The following RBFOX3 variants were observed in gnomAD, a reference collection of about 807,000 sequenced individuals.
RBFOX3 encodes the protein RNA binding protein fox-1 homolog 3.
Under a neutral mutation model 48.7 loss-of-function variants are expected in RBFOX3, and 17 were observed. The ratio of observed to expected loss-of-function variants is 0.35; its 90% CI spans 0.24 to 0.52. RBFOX3 has a LOEUF of 0.52. Ranked by LOEUF, RBFOX3 falls within the 20% of genes least tolerant of loss-of-function variation. The pLI is 0.94. For synonymous variants in RBFOX3, 212 were observed against 209.5 expected, an observed-to-expected ratio of 1.01 and a Z score of -0.10; for missense variants, 382 against 497.5, an observed-to-expected ratio of 0.77 and a Z score of 2.21.
chr17:79,547,954 G>A (rs1192324400), intron 1 of RBFOX3, among the ~76,000 whole-genome samples: 1 of 152,226 alleles, frequency 6.6e-6, no homozygotes, highest in Non-Finnish European at 1.5e-5. Context: ...CCTGCCGAGG[G>A]CTGGCCATCC....
chr17:79,516,518 TAGAA>T (rs1177893481), intron 1 of RBFOX3, among the ~76,000 whole-genome samples: 1 of 152,232 alleles, frequency 6.6e-6, no homozygotes, highest in African/African-American at 2.4e-5. Flanking sequence ...CTCCAGGCCT[TAGAA>T]AGAGCCAGAG....
At chr17:79,415,092 G>A (rs1435742329) in intron 2 of RBFOX3, among the ~76,000 whole-genome samples, 8 of 152,220 alleles carry the variant, frequency 5.3e-5, no homozygotes, top group South Asian at 2.1e-4. Context: ...ATTTCATCAC[G>A]GGGTTCTGAG....
Position 79,220,251 on chromosome 17 carries a change from A to G in RBFOX3, c.-34+15515T>C, listed in dbSNP as rs1015508968. Among the ~76,000 whole-genome samples, 3 of 152,128 alleles carry G rather than the reference A, an allele frequency of 2.0e-5. No individual in the cohort carries two copies. Among genetic ancestry groups the G allele is most frequent in the African/African-American group, 7.2e-5 (3 of 41,416 alleles). On this transcript the variant is annotated intron_variant, in intron 4 of 14. Coordinates refer to ENST00000693108, the MANE Select transcript of RBFOX3 (RefSeq NM_001350451.2). The surrounding 1 kb of genome is among the most constrained non-coding windows in gnomAD (Gnocchi z 5.9). ...CCCGGGGAGGAGGGGAGGAGACCCA[A>G]TCAGGGAAGCGGCCGCTGGCGGCAG... is the stretch of plus-strand genomic sequence containing the variant.
intron 4 of RBFOX3, among the ~76,000 whole-genome samples, chr17:79,139,836 G>A (rs553276335): frequency 3.3e-5 from 5 of 152,222 alleles, no homozygotes; most frequent in Admixed American, 6.5e-5. Flanking sequence ...CAGAACCACC[G>A]TGTGTGCCCG....
intron 2 of RBFOX3, among the ~76,000 whole-genome samples, chr17:79,404,778 T>C (rs1346030340): frequency 6.6e-6 from 1 of 152,226 alleles, no homozygotes; most frequent in Admixed American, 6.5e-5. Context: ...GCCTGGGCCA[T>C]TCACCTGTCC....
chr17:79,112,925 A>AG (rs2032511142), intron 5 of RBFOX3, among the ~76,000 whole-genome samples: 1 of 90,248 alleles, frequency 1.1e-5, no homozygotes, highest in Admixed American at 1.0e-4. Context: ...TGGGCTGGGT[A>AG]GGACTTCAGG....
intron 4 of RBFOX3, among the ~76,000 whole-genome samples, chr17:79,191,571 C>G (rs539529377): frequency 6.6e-6 from 1 of 152,276 alleles, no homozygotes; most frequent in South Asian, 2.1e-4. Flanking sequence ...CTGGGGAGGC[C>G]GATGCACTGC....
At chr17:79,121,038 A>C (rs891485701) in intron 4 of RBFOX3, among the ~76,000 whole-genome samples, 1 of 151,860 alleles carries the variant, frequency 6.6e-6, no homozygotes. Flanking sequence ...TTCCTCCTCA[A>C]CCTTCCAAAT....
rs962878227 is a variant in RBFOX3 at position 79,199,196 on chromosome 17, C to A, written c.-34+36570G>T. On this transcript the variant is annotated intron_variant, in intron 4 of 14. Transcript: ENST00000693108. This position sits in a 1 kb window ranked among gnomAD's most constrained non-coding sequence, Gnocchi z 5.1. ...ATGGGAAGGCAGACTCTGGCTGGCTCACTCTGCCTTCTGAGAATGTAAAGG... is the reference window on the plus strand; with the variant it reads ...ATGGGAAGGCAGACTCTGGCTGGCTAACTCTGCCTTCTGAGAATGTAAAGG... Among the ~76,000 whole-genome samples the A allele has an allele frequency of 2.6e-5, 4 of 152,146 alleles. No homozygotes were observed. Among genetic ancestry groups the A allele is most frequent in the South Asian group, 2.1e-4 (1 of 4,824 alleles).
chr17:79,093,965 A>G (rs1026082677), intron 14 of RBFOX3, among the ~76,000 whole-genome samples: 3 of 152,096 alleles, frequency 2.0e-5, no homozygotes, highest in Non-Finnish European at 2.9e-5. Context: ...GCCTGGTGAG[A>G]AGCAACCGGT....
intron 3 of RBFOX3, among the ~76,000 whole-genome samples, chr17:79,306,043 C>T (rs1479585139): frequency 6.6e-6 from 1 of 152,238 alleles, no homozygotes; most frequent in African/African-American, 2.4e-5. Context: ...CTACAGTCTG[C>T]CTTTATGTCC....
chr17:79,140,330 A>G (rs1193166493), intron 4 of RBFOX3, among the ~76,000 whole-genome samples: 1 of 152,184 alleles, frequency 6.6e-6, no homozygotes, highest in East Asian at 1.9e-4. Context: ...TCTGAGCCCC[A>G]TTTCTGTATC....
chr17:79,421,568 G>A lies in RBFOX3; in HGVS notation c.-175+60886C>T, dbSNP rs2066385622. On this transcript the variant is annotated intron_variant, in intron 2 of 14. Coordinates refer to ENST00000693108, the MANE Select transcript of RBFOX3 (RefSeq NM_001350451.2). This position sits in a 1 kb window ranked among gnomAD's most constrained non-coding sequence, Gnocchi z 4.5. ...AGGCGAGGCTCAAATGACCCATGCT[G>A]GCATTGGGTGACAGGAGGGGGCCCC... Among the ~76,000 whole-genome samples, 1 of 152,150 alleles carries A rather than the reference G, an allele frequency of 6.6e-6. No homozygotes were observed. Among genetic ancestry groups the A allele is most frequent in the South Asian group, 2.1e-4 (1 of 4,824 alleles).
intron 2 of RBFOX3, among the ~76,000 whole-genome samples, chr17:79,318,212 G>T (rs1430723385): frequency 6.6e-6 from 1 of 152,164 alleles, no homozygotes; most frequent in Non-Finnish European, 1.5e-5. Flanking sequence ...AGATCTGGAT[G>T]CTCCGGGTGG....
chr17:79,445,995 G>C (rs751971547), intron 2 of RBFOX3, among the ~76,000 whole-genome samples: 1 of 152,146 alleles, frequency 6.6e-6, no homozygotes, highest in African/African-American at 2.4e-5. Context: ...CATGGCGAGC[G>C]GAACCAGGGA....
intron 1 of RBFOX3, among the ~76,000 whole-genome samples, chr17:79,587,319 T>G (rs2093281339): frequency 6.6e-6 from 1 of 152,160 alleles, no homozygotes; most frequent in Non-Finnish European, 1.5e-5. Flanking sequence ...GTGCCCACAT[T>G]GCACAGGAGA....
At chr17:79,582,531 G>A (rs1417240664) in intron 1 of RBFOX3, among the ~76,000 whole-genome samples, 6 of 152,194 alleles carry the variant, frequency 3.9e-5, no homozygotes, top group East Asian at 1.9e-4. Context: ...AACCGGGTGC[G>A]GTGGCTCACA....
intron 1 of RBFOX3, among the ~76,000 whole-genome samples, chr17:79,556,653 G>T (rs2091783960): frequency 6.6e-6 from 1 of 152,212 alleles, no homozygotes; most frequent in Admixed American, 6.5e-5. Flanking sequence ...AACTTTGTCA[G>T]TAATGAAAAT....
rs1016575622 is a variant in RBFOX3 at position 79,254,422 on chromosome 17, C to T, written c.-73-18617G>A. Among the ~76,000 whole-genome samples, 20 of 152,170 alleles carry T rather than the reference C, an allele frequency of 1.3e-4. No individual in the cohort carries two copies. Among genetic ancestry groups the T allele is most frequent in the African/African-American group, 4.8e-4 (20 of 41,518 alleles). ...CTGCCCCCCAATCCAGGACACATGG[C>T]ACCAGGGCCCAGCCTTGAGACCAAC... is the stretch of plus-strand genomic sequence containing the variant. On this transcript the variant is annotated intron_variant, in intron 3 of 14. Coordinates refer to ENST00000693108, the MANE Select transcript of RBFOX3 (RefSeq NM_001350451.2). This position sits in a 1 kb window ranked among gnomAD's most constrained non-coding sequence, Gnocchi z 4.8.
Sources: allele counts gnomAD v4.1 joint callset (sites outside exome capture counted in the v4.1 genomes callset), GRCh38; gene constraint gnomAD v4.1.1; non-coding constraint Gnocchi (gnomAD v3.1); transcripts MANE v1.5; gene names NCBI Gene and HGNC (gene_info 2026-07-23, HGNC 2026-07-21).